PDE8A: variants seen among roughly 807,000 people sequenced by gnomAD.
PDE8A encodes the protein high affinity cAMP-specific and IBMX-insensitive 3',5'-cyclic phosphodiesterase 8A.
Under a neutral mutation model 105.0 loss-of-function variants are expected in PDE8A, and 59 were observed. The ratio of observed to expected loss-of-function variants is 0.56; its 90% confidence interval spans 0.46 to 0.70. The LOEUF (loss-of-function observed/expected upper bound fraction) is 0.70, where lower values mean the gene tolerates loss of function less well. PDE8A is among the 30% of genes least tolerant of loss of function. The pLI, the probability that PDE8A is intolerant of heterozygous loss-of-function variation, is 0.00. For missense variants in PDE8A, 1,014 were observed against 1,045.9 expected (o/e 0.97, Z 0.42); for synonymous variants, 355 against 371.9 (o/e 0.95, Z 0.52).
rs548572587 is a variant in PDE8A at position 85,078,280 on chromosome 15, A to G, written c.546+1493A>G. ...ACAAGACAGTGGAATAACATTTTCA[A>G]TGCAATAAAAGAAAATAACTTCCTT... On this transcript the variant is annotated intron_variant, in intron 5 of 21. Coordinates refer to ENST00000394553, the MANE Select transcript of PDE8A (RefSeq NM_002605.3). Among the ~76,000 whole-genome samples, 6 of 152,160 alleles carry G rather than the reference A, an allele frequency of 3.9e-5. No individual in the cohort carries two copies. The South Asian group carries it at 1.2e-3, about 32-fold the overall frequency.
At chr15:84,989,436 T>C (rs933621324) in intron 1 of PDE8A, among the ~76,000 whole-genome samples, 1 of 152,228 alleles carries the variant, frequency 6.6e-6, no homozygotes, top group Non-Finnish European at 1.5e-5. Context: ...CCTCTTACTC[T>C]GCTTATAGGA....
intron 1 of PDE8A, among the ~76,000 whole-genome samples, chr15:85,027,469 G>C (rs2080537519): frequency 6.6e-6 from 1 of 152,320 alleles, no homozygotes; most frequent in African/African-American, 2.4e-5. Flanking sequence ...GAAATACTGA[G>C]ATTGGGGTCT....
intron 1 of PDE8A, among the ~76,000 whole-genome samples, chr15:84,985,087 T>C (rs1175307790): frequency 2.6e-5 from 4 of 152,244 alleles, no homozygotes; most frequent in Non-Finnish European, 5.9e-5. Flanking sequence ...TTTTAGAGTG[T>C]GCATCATTTC....
intron 5 of PDE8A, among the ~76,000 whole-genome samples, chr15:85,079,733 C>T (rs375414040): frequency 6.6e-5 from 10 of 152,156 alleles, no homozygotes; most frequent in East Asian, 3.9e-4. Flanking sequence ...GCCAGCATGG[C>T]GAAACCCCGT....
intron 11 of PDE8A, among the ~76,000 whole-genome samples, chr15:85,106,945 A>G (rs946629055): frequency 6.6e-6 from 1 of 152,268 alleles, no homozygotes; most frequent in South Asian, 2.1e-4. Context: ...TTCTATACAC[A>G]TATGCTTCTT....
At chr15:85,076,814 A>C in intron 5 of PDE8A, 27 bp downstream of exon 5, 5 of 1,318,096 alleles carry the variant, frequency 3.8e-6, no homozygotes, top group Non-Finnish European at 5.5e-6. Flanking sequence ...TTGTTATACA[A>C]GTATAATTCA....
chr15:85,041,202 A>G lies in PDE8A; in HGVS notation c.187-23168A>G, dbSNP rs546102710. ...GCAATTTCTTGTTACTTTTAATGGG[A>G]AAAAATACGATTCATTACAAGTCAA... On this transcript the variant is annotated intron_variant, in intron 1 of 21. Coordinates refer to ENST00000394553, the MANE Select transcript of PDE8A (RefSeq NM_002605.3). Among the ~76,000 whole-genome samples, 4 of 152,342 alleles carry G rather than the reference A, an allele frequency of 2.6e-5. No individual in the cohort carries two copies. In the East Asian group the frequency reaches 7.7e-4, roughly 29 times the overall value.
At chr15:85,102,310 G>C (rs2081875960) in intron 11 of PDE8A, among the ~76,000 whole-genome samples, 1 of 152,246 alleles carries the variant, frequency 6.6e-6, no homozygotes, top group South Asian at 2.1e-4. Context: ...CATAGGGAGG[G>C]AGGGGGATAT....
intron 1 of PDE8A, among the ~76,000 whole-genome samples, chr15:85,019,347 A>G (rs926683440): frequency 7.2e-5 from 11 of 152,192 alleles, no homozygotes; most frequent in African/African-American, 2.4e-4. Context: ...TCAAAAAGAT[A>G]GACATAGCAA....
intron 1 of PDE8A, among the ~76,000 whole-genome samples, chr15:85,052,738 G>A (rs1164389466): frequency 1.1e-4 from 17 of 151,982 alleles, no homozygotes; most frequent in African/African-American, 4.1e-4. Context: ...TTGTCAGATG[G>A]GTAGATTGTA....
chr15:84,993,711 T>C (rs2079929029), intron 1 of PDE8A, among the ~76,000 whole-genome samples: 2 of 149,856 alleles, frequency 1.3e-5, no homozygotes, highest in Admixed American at 6.7e-5. Context: ...AAGACCCCCA[T>C]TCTCTATAAA....
At chr15:84,986,099 C>A (rs780444740) in intron 1 of PDE8A, among the ~76,000 whole-genome samples, 6 of 152,128 alleles carry the variant, frequency 3.9e-5, no homozygotes, top group Non-Finnish European at 8.8e-5. Flanking sequence ...TGGCACCGCA[C>A]ACCTTTAGTC....
At chr15:85,022,926 C>A (rs2080452786) in intron 1 of PDE8A, among the ~76,000 whole-genome samples, 2 of 152,052 alleles carry the variant, frequency 1.3e-5, no homozygotes, top group South Asian at 4.1e-4. Context: ...AACATGTTTA[C>A]ATGCTAAAGG....
At chr15:85,023,663 A>G (rs909136191) in intron 1 of PDE8A, among the ~76,000 whole-genome samples, 11 of 152,200 alleles carry the variant, frequency 7.2e-5, no homozygotes, top group African/African-American at 2.4e-4. Context: ...CATTTTCATC[A>G]TGGGACAGTT....
chr15:85,077,923 G>A lies in PDE8A; in HGVS notation c.546+1136G>A, dbSNP rs1056940162. On this transcript the variant is annotated intron_variant, in intron 5 of 21. Transcript: ENST00000394553. ...ACAGAAATACAATGACAGGAAATAA[G>A]TTAGACAGGTGAAGAAATGTGGAGG... 2.1e-5 allele frequency among the ~76,000 whole-genome samples: 3 copies of A among 145,906 alleles called. No individual in the cohort carries two copies. In the South Asian group the frequency reaches 6.2e-4, roughly 30 times the overall value.
At chr15:85,060,680 A>G (rs1199236307) in intron 1 of PDE8A, among the ~76,000 whole-genome samples, 1 of 152,200 alleles carries the variant, frequency 6.6e-6, no homozygotes, top group Non-Finnish European at 1.5e-5. Flanking sequence ...AATACTTTCA[A>G]ATGTCTCTTA....
chr15:85,133,260 CTT>C (rs1346540692), intron 20 of PDE8A, among the ~76,000 whole-genome samples: 1 of 152,178 alleles, frequency 6.6e-6, no homozygotes, highest in African/African-American at 2.4e-5. Flanking sequence ...CTCATAATCT[CTT>C]GTCTTCAGGC....
At chr15:85,074,360 A>G (rs1342075536) in intron 3 of PDE8A, among the ~76,000 whole-genome samples, 1 of 152,224 alleles carries the variant, frequency 6.6e-6, no homozygotes, top group African/African-American at 2.4e-5. Flanking sequence ...TGCAAAGCCT[A>G]AAATATTTAT....
intron 1 of PDE8A, among the ~76,000 whole-genome samples, chr15:85,039,681 C>G (rs1228295142): frequency 6.6e-6 from 1 of 152,146 alleles, no homozygotes; most frequent in Non-Finnish European, 1.5e-5. Flanking sequence ...CAGTTTTATT[C>G]ACAACAGCCA....
Sources: gnomAD v4.1 joint callset for allele counts (sites outside exome capture counted in the v4.1 genomes callset) on GRCh38, gnomAD v4.1.1 for gene constraint, MANE v1.5 for transcripts, NCBI Gene and HGNC (gene_info 2026-07-23, HGNC 2026-07-21) for gene names.